PML: variants seen among roughly 807,000 people sequenced by gnomAD.
The protein encoded by PML is PML nuclear body scaffold, also known as protein PML.
Under a neutral mutation model 65.2 loss-of-function variants are expected in PML, and 28 were observed. The observed-to-expected ratio is 0.43, with a 90% confidence interval of 0.32 to 0.59. The LOEUF (loss-of-function observed/expected upper bound fraction) is 0.59. PML is among the 20% of genes least tolerant of loss of function. The pLI, the probability that PML is intolerant of heterozygous loss-of-function variation, is 0.08. For missense variants in PML, 1,021 were observed against 1,203.4 expected (o/e 0.85, Z 2.24); for synonymous variants, 500 against 508.8 (o/e 0.98, Z 0.23).
chr15:74,023,182 G>A lies in PML; in HGVS notation c.957G>A (p.Leu319=), dbSNP rs763334625. ...YEEMASRLGR[L]DAVLQRIRTG... ...AGATGGCCAGTCGGCTGGGCCGCCT[G>A]GATGCTGTGCTGCAGCGCATCCGCA... The change falls in exon 3 of 9, where the codon CTG becomes CTA. Residue 319 remains leucine, a synonymous_variant. Coordinates refer to ENST00000268058, the MANE Select transcript of PML (RefSeq NM_033238.3). 20 of 1,607,052 alleles carry A rather than the reference G, an allele frequency of 1.2e-5. No individual in the cohort carries two copies. The Admixed American group carries it at 3.3e-4, about 27-fold the overall frequency.
Position 73,998,302 on chromosome 15 carries a change from G to A in PML, c.428G>A (p.Cys143Tyr), listed in dbSNP as rs2069599621. The change falls in exon 2 of 9, where the codon TGC (cysteine) becomes TAC (tyrosine). Residue 143 changes from cysteine (C) to tyrosine (Y), a missense_variant. By Grantham distance (194) the Cys-to-Tyr change is radical (BLOSUM62 -2). Coordinates refer to ENST00000268058, the MANE Select transcript of PML (RefSeq NM_033238.3). ...KESADFWCFE[C>Y]EQLLCAKCFE... ...TCGGCCGACTTCTGGTGCTTTGAGT[G>A]CGAGCAGCTCCTCTGCGCCAAGTGC... 1 of 1,614,106 alleles carries A rather than the reference G, an allele frequency of 6.2e-7. No individual in the cohort carries two copies. Among genetic ancestry groups the A allele is most frequent in the Non-Finnish European group, 8.5e-7 (1 of 1,180,050 alleles).
chr15:74,046,354 C>T lies in PML; in HGVS notation c.*1346C>T, dbSNP rs1345117967. The T allele has an allele frequency of 4.3e-6, 1 of 233,228 alleles. No individual in the cohort carries two copies. The highest frequency in any genetic ancestry group is 2.2e-5 in the African/African-American group (1 of 45,326). The allele number at this position is 233,228 out of a possible 1,614,324, so 14.4% of individuals were successfully genotyped here. On this transcript the variant is annotated 3_prime_UTR_variant, in exon 9 of 9. Coordinates refer to ENST00000268058, the MANE Select transcript of PML (RefSeq NM_033238.3). Reference sequence around the variant, plus strand: ...TTCCTCCTCCTCCCTCCTTCCCATCCCTACTCATTAGCTCCCTGCTCCTGG... The same window carrying T: ...TTCCTCCTCCTCCCTCCTTCCCATCTCTACTCATTAGCTCCCTGCTCCTGG...
At chr15:74,013,832 A>G (rs2070440449) in intron 2 of PML, among the ~76,000 whole-genome samples, 1 of 152,370 alleles carries the variant, frequency 6.6e-6, no homozygotes, top group East Asian at 1.9e-4. Context: ...TTTATGTGAT[A>G]AACTCTGTCT....
intron 2 of PML, among the ~76,000 whole-genome samples, chr15:74,009,154 G>A (rs2070206348): frequency 6.6e-6 from 1 of 152,158 alleles, no homozygotes; most frequent in Admixed American, 6.5e-5. Context: ...TAGGGCTGCA[G>A]GTGGAGCTAA....
intron 7 of PML, chr15:74,036,843 C>T: frequency 4.0e-6 from 3 of 747,456 alleles, no homozygotes; most frequent in Non-Finnish European, 4.9e-6. Context: ...GTGGCCGTGC[C>T]CTGCACCTTG....
At chr15:74,017,463 A>G (rs1051614367) in intron 2 of PML, among the ~76,000 whole-genome samples, 4 of 152,082 alleles carry the variant, frequency 2.6e-5, no homozygotes, top group Non-Finnish European at 4.4e-5. Context: ...CCTGGCCGGC[A>G]TGGTGAAACC....
At chr15:73,995,812 T>C (rs1170462346) in intron 1 of PML, among the ~76,000 whole-genome samples, 1 of 152,180 alleles carries the variant, frequency 6.6e-6, no homozygotes, top group Non-Finnish European at 1.5e-5. Flanking sequence ...TGGAGTGCAA[T>C]GGTGCGATCT....
At position 74,022,858 on chromosome 15, in the gene PML, G is replaced by C. The variant is rs977522689; in HGVS notation, c.633G>C (p.Leu211=). Residue 211 remains leucine (L), a synonymous_variant, in exon 3 of 9, where the codon CTG becomes CTC. Transcript: ENST00000268058. ...SIYCRGCSKP[L]CCSCALLDSS... ...ACTGCCGAGGATGTTCCAAGCCGCT[G>C]TGCTGCTCGTGCGCGCTCCTTGACA... The C allele has an allele frequency of 6.2e-7, 1 of 1,613,908 alleles. No homozygotes were observed. The highest frequency in any genetic ancestry group is 1.3e-5 in the African/African-American group (1 of 75,072).
rs1163014162 is a variant in PML, at chr15:74,043,770, T to G, written c.1862-451T>G. On this transcript the variant is annotated intron_variant, in intron 8 of 8. Transcript: ENST00000268058. This position sits in a 1 kb window ranked among gnomAD's most constrained non-coding sequence, Gnocchi z 4.3. ...TCATTTGCAGACCTCAGTGGGAGGC[T>G]CTTGGCCTTGCTCTGAGTGGAGTGC... The G allele has an allele frequency of 3.8e-6, 2 of 532,110 alleles. No homozygotes were observed. The highest frequency in any genetic ancestry group is 1.9e-5 in the African/African-American group (1 of 52,528). The allele number at this position is 532,110 out of a possible 1,614,324, so 33.0% of individuals were successfully genotyped here. A position where few individuals can be genotyped will look rare whatever the true frequency, so the allele number is the denominator to read the frequency against.
chr15:74,035,049 T>G lies in PML; in HGVS notation c.1710+519T>G. ...AGTGACCCTTCTGTCCCTAGAGGTT[T>G]ATTACTAGAGGCTGGACTATCACCT... On this transcript the variant is annotated intron_variant, in intron 7 of 8. Coordinates refer to ENST00000268058, the MANE Select transcript of PML (RefSeq NM_033238.3). The surrounding 1 kb of genome is among the most constrained non-coding windows in gnomAD (Gnocchi z 4.1). 4 of 1,415,248 alleles carry G rather than the reference T, an allele frequency of 2.8e-6. No homozygotes were observed. In the South Asian group the frequency reaches 4.6e-5, roughly 16 times the overall value. 87.7% of individuals were successfully genotyped at this position (1,415,248 alleles called of 1,614,324 possible).
In PML at chr15:74,023,155, G is replaced by T; in HGVS notation, c.930G>T (p.Glu310Asp). ...ACGCGCGGTACCAGCGCGACTACGA[G>T]GAGATGGCCAGTCGGCTGGGCCGCC... ...AVDARYQRDY[E>D]EMASRLGRLD... The change falls in exon 3 of 9, where the codon GAG becomes GAT. Residue 310 changes from glutamate (E) to aspartate (D), a missense_variant. By Grantham distance (45) the Glu-to-Asp change is conservative (BLOSUM62 2). Transcript: ENST00000268058. 6.2e-7 allele frequency: 1 copy of T among 1,605,198 alleles called. No individual in the cohort carries two copies.
chr15:74,021,510 G>C (rs2070834088), intron 2 of PML, among the ~76,000 whole-genome samples: 1 of 152,010 alleles, frequency 6.6e-6, no homozygotes, highest in Non-Finnish European at 1.5e-5. Flanking sequence ...GCTTGAACCC[G>C]GGAGGCAGAG....
Position 74,044,645 on chromosome 15 carries a change from C to T in PML, c.2286C>T (p.Gly762=), listed in dbSNP as rs982061187. ...GCCGCCTCCTCGAGGTCTCCCCGGG[C>T]CCCCAGCTGGCCCAGCATGTCTACC... ...DLCRLLEVSP[G]PQLAQHVYPF... Residue 762 remains glycine, a synonymous_variant, in exon 9 of 9, where the codon GGC becomes GGT. Transcript: ENST00000268058. 2 of 1,605,466 alleles carry T rather than the reference C, an allele frequency of 1.2e-6. No individual in the cohort carries two copies. Among genetic ancestry groups the T allele is most frequent in the Non-Finnish European group, 1.7e-6 (2 of 1,179,856 alleles).
intron 2 of PML, among the ~76,000 whole-genome samples, chr15:74,007,166 A>C (rs1240849534): frequency 6.6e-6 from 1 of 152,170 alleles, no homozygotes; most frequent in African/African-American, 2.4e-5. Context: ...TGTTTCTCAG[A>C]AGTTTCTGTT....
Position 74,045,268 on chromosome 15 carries a change from G to A in PML, c.*260G>A. 1 of 498,442 alleles carries A rather than the reference G, an allele frequency of 2.0e-6. No individual in the cohort carries two copies. The highest frequency in any genetic ancestry group is 3.6e-6 in the Non-Finnish European group (1 of 279,694). The allele number at this position is 498,442 out of a possible 1,614,324, so 30.9% of individuals were successfully genotyped here. On this transcript the variant is annotated 3_prime_UTR_variant, in exon 9 of 9. Transcript: ENST00000268058. ...CCTCCTTCCAGGAGCTAGAACCAGG[G>A]AGGTCCTGAGTGAGGAAGGCATGAC...
Position 74,046,449 on chromosome 15 carries a change from C to CTG in PML, c.*1445_*1446dup, listed in dbSNP as rs2071771984. The stretch of plus-strand genomic sequence containing the variant: ...ACCTCAGCTTTCACACTGGTGAAGT[C>CTG]TGTGTACCCATACTGCAGCCCCATC... On this transcript the variant is annotated 3_prime_UTR_variant, in exon 9 of 9. Coordinates refer to ENST00000268058, the MANE Select transcript of PML (RefSeq NM_033238.3). 8.6e-6 allele frequency: 2 copies of CTG among 232,854 alleles called. No homozygotes were observed. The highest frequency in any genetic ancestry group is 1.2e-4 in the East Asian group (2 of 16,550). 14.4% of individuals were successfully genotyped at this position (232,854 alleles called of 1,614,324 possible). A position where few individuals can be genotyped will look rare whatever the true frequency, so the allele number is the denominator to read the frequency against.
At chr15:74,020,294 T>C (rs112718986) in intron 2 of PML, among the ~76,000 whole-genome samples, 1 of 148,968 alleles carries the variant, frequency 6.7e-6, no homozygotes, top group African/African-American at 2.5e-5. Flanking sequence ...TTCCTTTTTT[T>C]TTTTTTTTTT....
At position 74,035,458 on chromosome 15, in the gene PML, T is replaced by TCCGCCTTCGCCATGC; in HGVS notation, c.1710+931_1710+945dup. ...CTGTTGTACAGAGCACAGAGAGCCA[T>TCCGCCTTCGCCATGC]CCGCCTTCGCCATGCCCTCCGCTTG... is the stretch of plus-strand genomic sequence containing the variant. On this transcript the variant is annotated intron_variant, in intron 7 of 8. Coordinates refer to ENST00000268058, the MANE Select transcript of PML (RefSeq NM_033238.3). The surrounding 1 kb of genome is among the most constrained non-coding windows in gnomAD (Gnocchi z 4.1). 1 of 1,612,420 alleles carries TCCGCCTTCGCCATGC rather than the reference T, an allele frequency of 6.2e-7. No homozygotes were observed. Among genetic ancestry groups the TCCGCCTTCGCCATGC allele is most frequent in the South Asian group, 1.1e-5 (1 of 91,076 alleles).
At chr15:74,036,218 C>T (rs764436102) in intron 7 of PML, 134 of 1,559,652 alleles carry the variant, frequency 8.6e-5, no homozygotes, top group Non-Finnish European at 9.9e-5. Context: ...ACTTCTGTCA[C>T]CCTTGCACTC....
Sources: gnomAD v4.1 joint callset for allele counts (sites outside exome capture counted in the v4.1 genomes callset) on GRCh38, gnomAD v4.1.1 for gene constraint, Gnocchi (gnomAD v3.1) non-coding constraint, MANE v1.5 for transcripts, NCBI Gene and HGNC (gene_info 2026-07-23, HGNC 2026-07-21) for gene names.